DDX31: variants seen among roughly 807,000 people sequenced by gnomAD.
The protein encoded by DDX31 is ATP-dependent DNA helicase DDX31.
DDX31 carries 70 observed loss-of-function variants against 91.3 expected under a neutral mutation model. The observed-to-expected ratio is 0.77, with a 90% CI of 0.63 to 0.94. DDX31 has a LOEUF of 0.94. Among genes scored for constraint, DDX31 ranks in the 40% least tolerant of loss-of-function variants. The pLI is 0.00. For missense variants in DDX31, 902 were observed against 925.0 expected, an observed-to-expected ratio of 0.98 and a Z score of 0.32; for synonymous variants, 362 against 350.6, an observed-to-expected ratio of 1.03 and a Z score of -0.36.
intron 1 of DDX31, chr9:132,663,378 T>A: frequency 1.0e-6 from 1 of 985,392 alleles, no homozygotes; most frequent in Non-Finnish European, 1.2e-6. Flanking sequence ...CTACCTCCCT[T>A]GCCTTTCGAG....
At chr9:132,623,551 C>CAAAAAAAAAAAAAAAAAAG (rs34868804) in intron 17 of DDX31, among the ~76,000 whole-genome samples, 2 of 66,758 alleles carry the variant, frequency 3.0e-5, no homozygotes, top group African/African-American at 5.8e-5. Context: ...GACTCCATCT[C>CAAAAAAAAAAAAAAAAAAG]AAAAAAAAAA....
chr9:132,598,248 T>C (rs1413537020), intron 19 of DDX31, among the ~76,000 whole-genome samples: 1 of 152,170 alleles, frequency 6.6e-6, no homozygotes, highest in Non-Finnish European at 1.5e-5. Flanking sequence ...GAAGTACAGA[T>C]GGGAAGATGA....
rs1371762453 is a variant in DDX31 at position 132,652,952 on chromosome 9, T to C, written c.589-460A>G. On this transcript the variant is annotated intron_variant, in intron 6 of 19. Coordinates refer to ENST00000372159, the MANE Select transcript of DDX31 (RefSeq NM_022779.9). ...CTCTTTGTCTTCCCAGTCTCGGGTA[T>C]GTTTTTATCAGCAGTGTAAAAATGG... Among the ~76,000 whole-genome samples the C allele has an allele frequency of 2.6e-5, 4 of 152,216 alleles. No homozygotes were observed. In the East Asian group the frequency reaches 7.7e-4, roughly 29 times the overall value.
chr9:132,659,930 A>C (rs1243031006), intron 4 of DDX31, 150 bp from the exon 5 acceptor site: 8 of 698,364 alleles, frequency 1.1e-5, no homozygotes, highest in Non-Finnish European at 1.7e-5. Flanking sequence ...AAAGGTGTGA[A>C]GAAACTTTTG....
intron 15 of DDX31, among the ~76,000 whole-genome samples, chr9:132,631,172 C>G (rs1564304060): frequency 6.6e-6 from 1 of 152,204 alleles, no homozygotes; most frequent in African/African-American, 2.4e-5. Context: ...TCATTCTTCC[C>G]TATGTTTTCC....
At chr9:132,639,025 C>T (rs1564313536) in intron 14 of DDX31, among the ~76,000 whole-genome samples, 4 of 152,156 alleles carry the variant, frequency 2.6e-5, no homozygotes. Context: ...TCTGTCTCGT[C>T]CTGAAGTGGC....
chr9:132,652,570 C>T (rs1834271333), intron 6 of DDX31, 78 bp from the exon 7 acceptor site: 10 of 1,561,954 alleles, frequency 6.4e-6, no homozygotes, highest in South Asian at 1.1e-5. Flanking sequence ...ACAGGGGTGG[C>T]CGGTTGTAGA....
intron 5 of DDX31, 22 bp from the exon 6 acceptor site, chr9:132,658,757 C>T (rs778066124): frequency 6.2e-7 from 1 of 1,609,876 alleles, no homozygotes; most frequent in African/African-American, 1.3e-5. Flanking sequence ...AAAGCAGAAG[C>T]AATTAAAATC....
At chr9:132,645,679 A>T (rs1029884924) in intron 13 of DDX31, among the ~76,000 whole-genome samples, 1 of 152,082 alleles carries the variant, frequency 6.6e-6, no homozygotes, top group African/African-American at 2.4e-5. Context: ...AGCAAATGGG[A>T]ACAATAGACT....
At chr9:132,645,340 C>T (rs139098251) in intron 13 of DDX31, among the ~76,000 whole-genome samples, 4 of 152,112 alleles carry the variant, frequency 2.6e-5, no homozygotes, top group Admixed American at 1.3e-4. Flanking sequence ...TACTCCGTGC[C>T]GAGAAAGAAC....
intron 14 of DDX31, chr9:132,638,016 C>A (rs905440672): frequency 4.4e-6 from 5 of 1,133,574 alleles, no homozygotes; most frequent in Non-Finnish European, 4.3e-6. Flanking sequence ...ATGCTTCAAG[C>A]GGAAAAAAAT....
chr9:132,643,694 C>A (rs1043401646), intron 13 of DDX31, among the ~76,000 whole-genome samples: 4 of 152,292 alleles, frequency 2.6e-5, no homozygotes, highest in Admixed American at 2.6e-4. Flanking sequence ...GACACGCACA[C>A]CTGGTAAAGG....
At chr9:132,637,399 T>C (rs988620472) in intron 14 of DDX31, among the ~76,000 whole-genome samples, 6 of 152,230 alleles carry the variant, frequency 3.9e-5, no homozygotes, top group African/African-American at 1.4e-4. Flanking sequence ...GGCCTGACAA[T>C]TGGCTGCCTC....
intron 4 of DDX31, 182 bp downstream of exon 4, chr9:132,661,026 G>C (rs1359560812): frequency 8.0e-6 from 5 of 621,228 alleles, no homozygotes; most frequent in Non-Finnish European, 1.4e-5. Context: ...TGGAAAGCCA[G>C]TCTTTCCATT....
chr9:132,612,838 C>A (rs907223918), intron 18 of DDX31, among the ~76,000 whole-genome samples: 3 of 152,218 alleles, frequency 2.0e-5, no homozygotes, highest in Non-Finnish European at 4.4e-5. Flanking sequence ...CCCTTCACCA[C>A]AAGCCCCACC....
chr9:132,645,386 C>A (rs1833761565), intron 13 of DDX31, among the ~76,000 whole-genome samples: 1 of 152,188 alleles, frequency 6.6e-6, no homozygotes, highest in Non-Finnish European at 1.5e-5. Flanking sequence ...ACGGTACCCT[C>A]TCCCAACCGA....
chr9:132,630,361 C>T lies in DDX31; in HGVS notation c.1534G>A (p.Gly512Arg). The T allele has an allele frequency of 1.2e-6, 2 of 1,604,450 alleles. No homozygotes were observed. The highest frequency in any genetic ancestry group is 1.7e-6 in the Non-Finnish European group (2 of 1,172,148). ...TGGCAGCCAATCCGGGCGGTTCTTC[C>T]AATCCGGTGGATGTATTCTGCAGGT... ...SSPAEYIHRI[G>R]RTARIGCHGS... Residue 512 changes from glycine (G) to arginine (R), a missense_variant, in exon 16 of 20, where the codon GGA becomes AGA. Gly to Arg is a moderately radical substitution (Grantham distance 125). Transcript: ENST00000372159.
intron 6 of DDX31, among the ~76,000 whole-genome samples, chr9:132,652,819 G>A (rs942926705): frequency 8.5e-5 from 13 of 152,110 alleles, no homozygotes; most frequent in African/African-American, 3.1e-4. Flanking sequence ...TTCTGCTTTT[G>A]CGTCTTCCTC....
At chr9:132,651,662 A>G (rs1258801803) in intron 7 of DDX31, among the ~76,000 whole-genome samples, 1 of 152,224 alleles carries the variant, frequency 6.6e-6, no homozygotes, top group Admixed American at 6.5e-5. Context: ...CCATTTGAGA[A>G]CAAAGCAAGT....
Sources: gnomAD v4.1 joint callset for allele counts (sites outside exome capture counted in the v4.1 genomes callset) on GRCh38, gnomAD v4.1.1 for gene constraint, MANE v1.5 for transcripts, NCBI Gene and HGNC (gene_info 2026-07-23, HGNC 2026-07-21) for gene names.